AVEN: variants seen among roughly 807,000 people sequenced by gnomAD.
AVEN encodes apoptosis and caspase activation inhibitor.
In AVEN, 41 loss-of-function variants were observed where a neutral mutation model predicts 38.1. The observed-to-expected ratio is 1.08, with a 90% CI of 0.84 to 1.40. The LOEUF (loss-of-function observed/expected upper bound fraction) is 1.40. Among genes scored for constraint, AVEN ranks in the 40% most tolerant of loss-of-function variants. The probability of loss-of-function intolerance (pLI) is 0.00; values close to 1 mark genes in which losing one functional copy is unlikely to be tolerated. For synonymous variants in AVEN, 206 were observed against 171.8 expected (o/e 1.20, Z -1.56); for missense variants, 605 against 438.8 (o/e 1.38, Z -3.38).
At chr15:33,986,265 C>A (rs1412027049) in intron 2 of AVEN, among the ~76,000 whole-genome samples, 1 of 151,972 alleles carries the variant, frequency 6.6e-6, no homozygotes, top group Non-Finnish European at 1.5e-5. Flanking sequence ...TGCCACCACG[C>A]CTGGCTAATT....
intron 2 of AVEN, among the ~76,000 whole-genome samples, chr15:33,921,134 T>G (rs1290697016): frequency 6.6e-6 from 1 of 152,216 alleles, no homozygotes; most frequent in Non-Finnish European, 1.5e-5. Context: ...TTAACGCTTT[T>G]CCACAAAGCA....
At chr15:33,867,319 G>C (rs1890637704) in intron 5 of AVEN, among the ~76,000 whole-genome samples, 176 bp downstream of exon 5, 1 of 151,738 alleles carries the variant, frequency 6.6e-6, no homozygotes, top group African/African-American at 2.4e-5. Context: ...GAGGAAGGTT[G>C]TCAGAAAGGT....
At chr15:33,893,697 A>C (rs1312873314) in intron 2 of AVEN, among the ~76,000 whole-genome samples, 1 of 152,204 alleles carries the variant, frequency 6.6e-6, no homozygotes, top group African/African-American at 2.4e-5. Context: ...AGCAAAGTGA[A>C]CTCTACCTGA....
chr15:33,852,764 TAATCTGTCATCAC>T, the AVEN span: 1 of 343,222 alleles, frequency 2.9e-6, no homozygotes. Context: ...TGTCTCTGTC[TAATCTGTCATCAC>T]AATTCTTGGC....
chr15:33,985,330 T>C (rs1041964079), intron 2 of AVEN, among the ~76,000 whole-genome samples: 1 of 86,266 alleles, frequency 1.2e-5, no homozygotes, highest in African/African-American at 4.9e-5. Flanking sequence ...AAGAGTCCTG[T>C]ACATGCTGTG....
intron 1 of AVEN, among the ~76,000 whole-genome samples, chr15:34,038,293 G>A (rs112381581): frequency 1.3e-5 from 2 of 152,092 alleles, no homozygotes; most frequent in Non-Finnish European, 2.9e-5. Flanking sequence ...TTTATTATGC[G>A]CCTACTGTGT....
downstream of AVEN, among the ~76,000 whole-genome samples, chr15:33,862,656 GC>G (rs1888761948): frequency 6.6e-6 from 1 of 152,082 alleles, no homozygotes; most frequent in Non-Finnish European, 1.5e-5. Context: ...TGTCACCCAG[GC>G]TGAAGTGCAG....
At chr15:33,900,204 G>A (rs987740075) in intron 2 of AVEN, among the ~76,000 whole-genome samples, 1 of 151,886 alleles carries the variant, frequency 6.6e-6, no homozygotes, top group African/African-American at 2.4e-5. Context: ...GAATCTAGAA[G>A]GTCACCTCTC....
intron 2 of AVEN, among the ~76,000 whole-genome samples, chr15:33,979,369 C>A (rs923390073): frequency 6.6e-6 from 1 of 152,030 alleles, no homozygotes; most frequent in East Asian, 1.9e-4. Context: ...ATTAGCCGGG[C>A]ATGCTAGGGT....
At chr15:33,970,212 C>T (rs1402755270) in intron 2 of AVEN, among the ~76,000 whole-genome samples, 2 of 151,924 alleles carry the variant, frequency 1.3e-5, no homozygotes, top group African/African-American at 2.4e-5. Flanking sequence ...TAGAAATTCT[C>T]TTCCATTTCA....
chr15:33,884,119 G>C (rs980044132), intron 2 of AVEN, among the ~76,000 whole-genome samples: 3 of 152,116 alleles, frequency 2.0e-5, no homozygotes, highest in Non-Finnish European at 4.4e-5. Flanking sequence ...CTCCCAAGTA[G>C]CTAGAAATAC....
chr15:33,978,679 TAAATAA>T (rs1039420070), intron 2 of AVEN, among the ~76,000 whole-genome samples: 2 of 151,450 alleles, frequency 1.3e-5, no homozygotes, highest in Non-Finnish European at 2.9e-5. Context: ...AATAAATAAA[TAAATAA>T]AAATAAAAAT....
rs1170879329 is a variant in AVEN, at chr15:33,971,118, C to CA, written c.445+31913dup. Among the ~76,000 whole-genome samples the CA allele has an allele frequency of 3.3e-5, 5 of 151,976 alleles. No individual in the cohort carries two copies. In the East Asian group the frequency reaches 9.7e-4, roughly 29 times the overall value. On this transcript the variant is annotated intron_variant, in intron 2 of 5. Transcript: ENST00000306730. ...GCTTCAAGTTTACATCTCATGGGTA[C>CA]AAATGGATGAGGGATTTTATGCTAG...
At chr15:33,893,017 C>G (rs1567400018) in intron 2 of AVEN, among the ~76,000 whole-genome samples, 1 of 152,044 alleles carries the variant, frequency 6.6e-6, no homozygotes, top group African/African-American at 2.4e-5. Context: ...TGATTTGGCT[C>G]TCTGTCTGTT....
At chr15:34,073,994 T>C (rs1258196842) in intron 1 of AVEN, among the ~76,000 whole-genome samples, 2 of 17,180 alleles carry the variant, frequency 1.2e-4, no homozygotes, top group Non-Finnish European at 6.8e-4. Context: ...TTCTTCTTTT[T>C]TTTTTTTTTT....
chr15:33,854,782 C>G, downstream of AVEN: 1 of 1,609,484 alleles, frequency 6.2e-7, no homozygotes, highest in Non-Finnish European at 8.5e-7. Context: ...CTCTACCTTG[C>G]CTGGTATACA....
At chr15:33,863,581 G>C (rs899348614), downstream of AVEN, among the ~76,000 whole-genome samples, 3 of 152,116 alleles carry the variant, frequency 2.0e-5, no homozygotes, top group Non-Finnish European at 2.9e-5. Context: ...ATGTGTCACA[G>C]ACAAACTCAA....
At chr15:33,852,832 AGT>A in the AVEN span, 1 of 484,174 alleles carries the variant, frequency 2.1e-6, no homozygotes, top group Non-Finnish European at 3.7e-6. Flanking sequence ...TGGCCTTCTG[AGT>A]GTTTCAAAAG....
chr15:33,930,447 G>A (rs1419155217), intron 2 of AVEN, among the ~76,000 whole-genome samples: 1 of 151,994 alleles, frequency 6.6e-6, no homozygotes, highest in Non-Finnish European at 1.5e-5. Flanking sequence ...AAAGAAACAT[G>A]ATACAAAAGA....
Sources: gnomAD v4.1 joint callset for allele counts (sites outside exome capture counted in the v4.1 genomes callset) on GRCh38, gnomAD v4.1.1 for gene constraint, MANE v1.5 for transcripts, NCBI Gene and HGNC (gene_info 2026-07-23, HGNC 2026-07-21) for gene names.